Variants in PCLO observed in about 807,000 individuals in gnomAD.
The protein encoded by PCLO is protein piccolo.
Under a neutral mutation model 427.5 loss-of-function variants are expected in PCLO, and 82 were observed. That is an observed-to-expected ratio of 0.19 (90% CI 0.16 to 0.23). The LOEUF (loss-of-function observed/expected upper bound fraction) is 0.23, where lower values mean the gene tolerates loss of function less well. Ranked by LOEUF, PCLO falls within the 10% of genes least tolerant of loss-of-function variation. PCLO has a pLI of 1.00. For synonymous variants in PCLO, 2,357 were observed against 2,155.4 expected (o/e 1.09, Z -2.59); for missense variants, 6,239 against 6,115.9 (o/e 1.02, Z -0.67).
intron 10 of PCLO, among the ~76,000 whole-genome samples, chr7:82,872,218 A>T (rs1414887803): frequency 6.6e-6 from 1 of 152,046 alleles, no homozygotes; most frequent in African/African-American, 2.4e-5. Context: ...CATATTTGAC[A>T]AAGGATTATA....
Position 82,953,717 on chromosome 7 carries a change from GGGAGGGGGA to G in PCLO, c.7227_7235del (p.Pro2424_Pro2426del). On this transcript the variant is annotated inframe_deletion, in exon 5 of 25. Transcript: ENST00000333891. ...GTGGTGGTGGAGGAGGAGGAGGAGG[GGGAGGGGGA>G]GGAGGGGGAGGAGGTTGAGCTGATA... is the stretch of plus-strand genomic sequence containing the variant. 14 of 976,774 alleles carry G rather than the reference GGGAGGGGGA, an allele frequency of 1.4e-5. No homozygotes were observed. The highest frequency in any genetic ancestry group is 1.9e-5 in the Non-Finnish European group (13 of 684,440). The allele number at this position is 976,774 out of a possible 1,614,324, so 60.5% of individuals were successfully genotyped here.
chr7:82,916,277 G>A lies in PCLO; in HGVS notation c.11709C>T (p.Tyr3903=), dbSNP rs1260153711. The change falls in exon 7 of 25, where the codon TAC becomes TAT. Residue 3903 remains tyrosine, a synonymous_variant. Coordinates refer to ENST00000333891, the MANE Select transcript of PCLO (RefSeq NM_033026.6). ...GTTGCTCAAAATGAGACTGTTGAGT[G>A]TATGAGGTGGGTGCTTGGGTAGGAA... ...PALPTQAPTS[Y]TQQSHFEQQT... The A allele has an allele frequency of 5.6e-6, 9 of 1,613,592 alleles. No homozygotes were observed. In the Admixed American group the frequency reaches 6.7e-5, roughly 12 times the overall value.
intron 10 of PCLO, among the ~76,000 whole-genome samples, chr7:82,859,122 C>G (rs566770235): frequency 2.1e-4 from 32 of 152,302 alleles, no homozygotes; most frequent in African/African-American, 7.5e-4. Context: ...AGATTTTTGA[C>G]TCTGGTTCCT....
At chr7:82,774,845 T>C (rs1790716186) in intron 22 of PCLO, among the ~76,000 whole-genome samples, 1 of 152,214 alleles carries the variant, frequency 6.6e-6, no homozygotes, top group Non-Finnish European at 1.5e-5. Flanking sequence ...TCCACCATTA[T>C]AGTATCATAA....
intron 3 of PCLO, among the ~76,000 whole-genome samples, chr7:83,123,947 ACT>A (rs1423636847): frequency 2.3e-5 from 2 of 86,800 alleles, no homozygotes; most frequent in African/African-American, 5.4e-5. Context: ...CAAGAGAGAA[ACT>A]CTGTCTCAAA....
intron 19 of PCLO, among the ~76,000 whole-genome samples, chr7:82,823,008 G>C (rs1327246208): frequency 6.6e-6 from 1 of 152,116 alleles, no homozygotes; most frequent in Non-Finnish European, 1.5e-5. Flanking sequence ...GGTCAGGTAG[G>C]AGACAATACA....
intron 3 of PCLO, among the ~76,000 whole-genome samples, chr7:82,980,765 T>C (rs900739551): frequency 4.6e-5 from 7 of 151,956 alleles, no homozygotes; most frequent in Non-Finnish European, 1.0e-4. Context: ...GGAACTGACA[T>C]TGCCAAGAAA....
At chr7:82,825,173 A>AC (rs1043894682) in intron 18 of PCLO, among the ~76,000 whole-genome samples, 1 of 152,138 alleles carries the variant, frequency 6.6e-6, no homozygotes, top group African/African-American at 2.4e-5. Flanking sequence ...TTAATTGGCA[A>AC]CTTTTTTTTT....
At position 83,155,011 on chromosome 7, in the gene PCLO, G is replaced by A; in HGVS notation, c.1630C>T (p.Pro544Ser). 1 of 1,613,984 alleles carries A rather than the reference G, an allele frequency of 6.2e-7. No homozygotes were observed. Residue 544 changes from proline to serine, a missense_variant, in exon 2 of 25, where the codon CCT (proline) becomes TCT (serine). Pro to Ser is a moderately conservative substitution (Grantham distance 74). This residue lies in a region of PCLO where 4,677 missense variants were observed against 4,468.4 expected (regional missense o/e 1.05). Coordinates refer to ENST00000333891, the MANE Select transcript of PCLO (RefSeq NM_033026.6). ...TGAGCCGAGGGCTTTGCTGGGCTAG[G>A]CTGTTGAGCTGAGGGTTTTGCTGAG... ...PGSAKPSAQQPSPAKPSAQQS... is the reference protein window; with the variant it reads ...PGSAKPSAQQSSPAKPSAQQS...
intron 2 of PCLO, among the ~76,000 whole-genome samples, chr7:83,136,756 G>T (rs147150781): frequency 2.0e-5 from 3 of 152,156 alleles, no homozygotes; most frequent in Non-Finnish European, 2.9e-5. Flanking sequence ...ATGTATGCAT[G>T]TGAATGAGAG....
At position 82,953,602 on chromosome 7, in the gene PCLO, T is replaced by C. The variant is rs749165715; in HGVS notation, c.7351A>G (p.Thr2451Ala). The change falls in exon 5 of 25, where the codon ACA becomes GCA. Residue 2451 changes from threonine to alanine, a missense_variant. By Grantham distance (58) the Thr-to-Ala change is moderately conservative (BLOSUM62 0). Coordinates refer to ENST00000333891, the MANE Select transcript of PCLO (RefSeq NM_033026.6). Reference sequence around the variant, plus strand: ...ACAGCATCAAACAGAGGTGTAGCTGTAGTCACTGGAGATGCAACTGTTAAC... The same window carrying C: ...ACAGCATCAAACAGAGGTGTAGCTGCAGTCACTGGAGATGCAACTGTTAAC... ...KKLTVASPVT[T>A]ATPLFDAVTT... The C allele has an allele frequency of 1.2e-6, 2 of 1,612,558 alleles. No individual in the cohort carries two copies. The highest frequency in any genetic ancestry group is 1.7e-6 in the Non-Finnish European group (2 of 1,179,430).
chr7:83,144,723 T>C (rs1312149953), intron 2 of PCLO, among the ~76,000 whole-genome samples: 2 of 152,082 alleles, frequency 1.3e-5, no homozygotes, highest in Admixed American at 6.5e-5. Flanking sequence ...CTTTAACCCA[T>C]TTACAGGATA....
chr7:82,775,009 AT>A lies in PCLO; in HGVS notation c.15008-13517del, dbSNP rs1231504832. On this transcript the variant is annotated intron_variant, in intron 22 of 24. Transcript: ENST00000333891. ...AACGAAGTAGATATAGATTTTTTAG[AT>A]TTTTTTCATTTAGTATGCATTTAAG... is the stretch of plus-strand genomic sequence containing the variant. Among the ~76,000 whole-genome samples, 3 of 151,838 alleles carry A rather than the reference AT, an allele frequency of 2.0e-5. No homozygotes were observed. In the East Asian group the frequency reaches 5.8e-4, roughly 29 times the overall value.
chr7:83,143,497 G>A (rs146012604), intron 2 of PCLO, among the ~76,000 whole-genome samples: 23 of 151,978 alleles, frequency 1.5e-4, no homozygotes, highest in Middle Eastern at 6.8e-3. Context: ...TAATTCAGTA[G>A]CCATAAACAA....
intron 20 of PCLO, among the ~76,000 whole-genome samples, chr7:82,806,118 AT>A (rs946076262): frequency 6.6e-6 from 1 of 152,142 alleles, no homozygotes; most frequent in African/African-American, 2.4e-5. Flanking sequence ...TACTATTATT[AT>A]TTTTGTGGTT....
intron 13 of PCLO, among the ~76,000 whole-genome samples, chr7:82,844,599 G>A (rs555679145): frequency 3.9e-5 from 6 of 151,916 alleles, no homozygotes; most frequent in Admixed American, 2.0e-4. Context: ...CACTTTTTTC[G>A]CATGTATTTA....
intron 8 of PCLO, among the ~76,000 whole-genome samples, chr7:82,908,261 T>A (rs542663788): frequency 9.9e-5 from 15 of 152,110 alleles, no homozygotes; most frequent in Non-Finnish European, 2.1e-4. Context: ...TCATGAATTT[T>A]GGTATCATAT....
intron 6 of PCLO, among the ~76,000 whole-genome samples, chr7:82,933,304 CT>C (rs1176915133): frequency 2.0e-5 from 3 of 152,026 alleles, no homozygotes; most frequent in Non-Finnish European, 2.9e-5. Context: ...TAGTTGAAAA[CT>C]TAGCACTTCT....
At chr7:82,821,980 C>G (rs1791803544) in intron 20 of PCLO, 1 of 985,932 alleles carries the variant, frequency 1.0e-6, no homozygotes, top group Admixed American at 6.1e-5. Flanking sequence ...AATGGCTTTT[C>G]CTCCAAGGTT....
Sources: allele counts gnomAD v4.1 joint callset (sites outside exome capture counted in the v4.1 genomes callset), GRCh38; gene constraint gnomAD v4.1.1; regional missense constraint gnomAD v4.1.1; transcripts MANE v1.5; gene names NCBI Gene and HGNC (gene_info 2026-07-23, HGNC 2026-07-21).